Variants in SRSF8 observed in about 807,000 individuals in gnomAD.
SRSF8 encodes the protein serine and arginine rich splicing factor 8.
SRSF8 carries 3 observed loss-of-function variants against 2.0 expected under a neutral mutation model. That is an observed-to-expected ratio of 1.47 (90% CI 0.67 to 3.79). The LOEUF (loss-of-function observed/expected upper bound fraction) is 3.79. Ranked by LOEUF, SRSF8 falls within the 30% of genes most tolerant of loss-of-function variation. The probability of loss-of-function intolerance (pLI) is 0.02; values close to 1 mark genes in which losing one functional copy is unlikely to be tolerated. For missense variants in SRSF8, 408 were observed against 410.9 expected (o/e 0.99, Z 0.06); for synonymous variants, 162 against 170.7 (o/e 0.95, Z 0.40).
Position 95,067,378 on chromosome 11 carries a change from C to T in SRSF8, c.152C>T (p.Thr51Ile), listed in dbSNP as rs1555106998. The T allele has an allele frequency of 2.5e-6, 4 of 1,595,120 alleles. No homozygotes were observed. Among genetic ancestry groups the T allele is most frequent in the Non-Finnish European group, 3.4e-6 (4 of 1,173,492 alleles). ...GTGTACATCCCGCGGGAGCCCCACA[C>T]CAAGGCGCCCCGGGGCTTCGCTTTC... Reference protein sequence around the residue: ...GDVYIPREPHTKAPRGFAFVR... With the variant: ...GDVYIPREPHIKAPRGFAFVR... The change falls in exon 1 of 1, where the codon ACC becomes ATC. Residue 51 changes from threonine (T) to isoleucine (I), a missense_variant. This residue lies in a region of SRSF8 where 62 missense variants were observed against 94.4 expected (regional missense o/e 0.66). Coordinates refer to ENST00000587424, the MANE Select transcript of SRSF8 (RefSeq NM_032102.4).
In SRSF8 at chr11:95,068,075, A is replaced by T. The variant is rs1555107280; in HGVS notation, c.849A>T (p.Ter283TyrextTer48). The T allele has an allele frequency of 6.2e-7, 1 of 1,602,300 alleles. No individual in the cohort carries two copies. Among genetic ancestry groups the T allele is most frequent in the Non-Finnish European group, 8.5e-7 (1 of 1,170,512 alleles). ...SPEEEGQMSS* is the reference protein window; with the variant it reads ...SPEEEGQMSSY Reference sequence around the variant, plus strand: ...AAGAGGAAGGACAGATGTCCTCTTAAGAAAATGATGCATCAGGAAGCAACG... The same window carrying T: ...AAGAGGAAGGACAGATGTCCTCTTATGAAAATGATGCATCAGGAAGCAACG... The change falls in exon 1 of 1, where the codon TAA becomes TAT. Residue 283 changes from the stop codon to tyrosine (Y), a stop_lost. Coordinates refer to ENST00000587424, the MANE Select transcript of SRSF8 (RefSeq NM_032102.4).
Position 95,067,669 on chromosome 11 carries a change from C to T in SRSF8, c.443C>T (p.Ser148Phe). The T allele has an allele frequency of 6.2e-7, 1 of 1,612,804 alleles. No homozygotes were observed. Among genetic ancestry groups the T allele is most frequent in the Non-Finnish European group, 8.5e-7 (1 of 1,179,392 alleles). The change falls in exon 1 of 1, where the codon TCT (serine) becomes TTT (phenylalanine). Residue 148 changes from serine to phenylalanine, a missense_variant. Ser to Phe is a radical substitution (Grantham distance 155). Coordinates refer to ENST00000587424, the MANE Select transcript of SRSF8 (RefSeq NM_032102.4). The stretch of plus-strand genomic sequence containing the variant: ...AGCTGCTCCAGGTCCCGCAGCCGAT[C>T]TCGCTATAGGGGTTCTCGCTATAGC... ...GPSCSRSRSR[S>F]RYRGSRYSRS...
In SRSF8 at chr11:95,067,537, A is replaced by G; in HGVS notation, c.311A>G (p.Glu104Gly). The change falls in exon 1 of 1, where the codon GAG becomes GGG. Residue 104 changes from glutamate to glycine, a missense_variant. Physicochemically the swap from Glu to Gly is moderately conservative, Grantham distance 98. Coordinates refer to ENST00000587424, the MANE Select transcript of SRSF8 (RefSeq NM_032102.4). Reference protein sequence around the residue: ...RRDLPRSRQGEPRGRSRGGGY... With the variant: ...RRDLPRSRQGGPRGRSRGGGY... ...GACCTGCCCCGCAGCCGCCAGGGAG[A>G]GCCACGCGGCAGGTCCAGAGGCGGC... 1 of 1,525,408 alleles carries G rather than the reference A, an allele frequency of 6.6e-7. No individual in the cohort carries two copies. Among genetic ancestry groups the G allele is most frequent in the Non-Finnish European group, 8.8e-7 (1 of 1,138,670 alleles). The allele number at this position is 1,525,408 out of a possible 1,614,324, so 94.5% of individuals were successfully genotyped here.
rs1858683254 is a variant in SRSF8, at chr11:95,068,126, T to C, written c.*51T>C. The C allele has an allele frequency of 1.3e-6, 2 of 1,531,304 alleles. No homozygotes were observed. The highest frequency in any genetic ancestry group is 1.8e-6 in the Non-Finnish European group (2 of 1,124,142). 94.9% of individuals were successfully genotyped at this position (1,531,304 alleles called of 1,614,324 possible). A position where few individuals can be genotyped will look rare whatever the true frequency, so the allele number is the denominator to read the frequency against. On this transcript the variant is annotated 3_prime_UTR_variant, in exon 1 of 1. Coordinates refer to ENST00000587424, the MANE Select transcript of SRSF8 (RefSeq NM_032102.4). ...TGATGGAGGACTTGGGGGAAAAGGA[T>C]CACATACTCAGTCTATGGAAGCAAC...
Position 95,067,845 on chromosome 11 carries a change from C to T in SRSF8, c.619C>T (p.Arg207Trp). The T allele has an allele frequency of 1.2e-6, 2 of 1,614,032 alleles. No individual in the cohort carries two copies. Among genetic ancestry groups the T allele is most frequent in the Non-Finnish European group, 1.7e-6 (2 of 1,179,904 alleles). The stretch of plus-strand genomic sequence containing the variant: ...TCGCTACAGCCGATATCACAGCAGC[C>T]GGTCTCACTCGAAGTCTGGGTCCTC... ...NSRYSRYHSS[R>W]SHSKSGSSTS... is the part of the protein sequence containing the mutation. The change falls in exon 1 of 1, where the codon CGG (arginine) becomes TGG (tryptophan). Residue 207 changes from arginine (R) to tryptophan (W), a missense_variant. Around this residue, in one of 2 missense-constraint regions of SRSF8, gnomAD observed 346 missense variants for 316.5 expected, o/e 1.09. Coordinates refer to ENST00000587424, the MANE Select transcript of SRSF8 (RefSeq NM_032102.4).
Position 95,067,236 on chromosome 11 carries a change from G to A in SRSF8, c.10G>A (p.Gly4Ser). The change falls in exon 1 of 1, where the codon GGC becomes AGC. Residue 4 changes from glycine (G) to serine (S), a missense_variant. This residue lies in a region of SRSF8 where 62 missense variants were observed against 94.4 expected (regional missense o/e 0.66). Transcript: ENST00000587424. ...GGCTGCTCTCGGAGCCATGAGCTGC[G>A]GCCGCCCCCCTCCCGACGTGGACGG... The part of the protein sequence containing the change: MSC[G>S]RPPPDVDGMI... 3.3e-6 allele frequency: 5 copies of A among 1,528,882 alleles called. No individual in the cohort carries two copies. Among genetic ancestry groups the A allele is most frequent in the South Asian group, 1.2e-5 (1 of 82,082 alleles). 94.7% of individuals were successfully genotyped at this position (1,528,882 alleles called of 1,614,324 possible). A position where few individuals can be genotyped will look rare whatever the true frequency, so the allele number is the denominator to read the frequency against.
rs1555106968 is a variant in SRSF8, at chr11:95,067,339, G to A, written c.113G>A (p.Gly38Glu). Reference protein sequence around the residue: ...DSLRRVFEKYGRVGDVYIPRE... With the variant: ...DSLRRVFEKYERVGDVYIPRE... ...TTGAGGCGCGTGTTCGAGAAGTACG[G>A]GCGCGTGGGCGACGTGTACATCCCG... The change falls in exon 1 of 1, where the codon GGG becomes GAG. Residue 38 changes from glycine to glutamate, a missense_variant. Gly to Glu is a moderately conservative substitution (Grantham distance 98). This residue lies in a region of SRSF8 where 62 missense variants were observed against 94.4 expected (regional missense o/e 0.66). Coordinates refer to ENST00000587424, the MANE Select transcript of SRSF8 (RefSeq NM_032102.4). 1.2e-6 allele frequency: 2 copies of A among 1,603,874 alleles called. No individual in the cohort carries two copies. Among genetic ancestry groups the A allele is most frequent in the East Asian group, 4.5e-5 (2 of 44,138 alleles).
In SRSF8 at chr11:95,069,438, G is replaced by C. The variant is rs954157448; in HGVS notation, c.*1363G>C. 1 of 165,876 alleles carries C rather than the reference G, an allele frequency of 6.0e-6. No homozygotes were observed. The highest frequency in any genetic ancestry group is 2.4e-5 in the African/African-American group (1 of 41,350). The allele number at this position is 165,876 out of a possible 1,614,324, so 10.3% of individuals were successfully genotyped here. A position where few individuals can be genotyped will look rare whatever the true frequency, so the allele number is the denominator to read the frequency against. On this transcript the variant is annotated 3_prime_UTR_variant, in exon 1 of 1. Coordinates refer to ENST00000587424, the MANE Select transcript of SRSF8 (RefSeq NM_032102.4). ...CTAGCAAAGGGAAAAATAACAATTT[G>C]GTGTCAATGATCTGGTGACAATAGG...
chr11:95,067,430 C>A lies in SRSF8; in HGVS notation c.204C>A (p.Ala68=). The part of the protein sequence containing the change: ...AFVRFHDRRD[A]QDAEAAMDGA... ...TCCGCTTTCACGACCGGCGCGACGCCCAAGACGCCGAGGCCGCCATGGACG... is the reference window on the plus strand; with the variant it reads ...TCCGCTTTCACGACCGGCGCGACGCACAAGACGCCGAGGCCGCCATGGACG... Residue 68 remains alanine, a synonymous_variant, in exon 1 of 1, where the codon GCC becomes GCA. Transcript: ENST00000587424. 1 of 1,552,612 alleles carries A rather than the reference C, an allele frequency of 6.4e-7. No homozygotes were observed. Among genetic ancestry groups the A allele is most frequent in the Non-Finnish European group, 8.7e-7 (1 of 1,151,202 alleles).
rs555202080 is a variant in SRSF8 at position 95,067,245 on chromosome 11, C to A, written c.19C>A (p.Pro7Thr). 1.9e-6 allele frequency: 3 copies of A among 1,541,818 alleles called. No homozygotes were observed. Among genetic ancestry groups the A allele is most frequent in the African/African-American group, 1.4e-5 (1 of 70,560 alleles). Residue 7 changes from proline to threonine, a missense_variant, in exon 1 of 1, where the codon CCT becomes ACT. Around this residue, in one of 2 missense-constraint regions of SRSF8, gnomAD observed 62 missense variants for 94.4 expected, o/e 0.66. Coordinates refer to ENST00000587424, the MANE Select transcript of SRSF8 (RefSeq NM_032102.4). ...CGGAGCCATGAGCTGCGGCCGCCCCCCTCCCGACGTGGACGGCATGATCAC... is the reference window on the plus strand; with the variant it reads ...CGGAGCCATGAGCTGCGGCCGCCCCACTCCCGACGTGGACGGCATGATCAC... MSCGRP[P>T]PDVDGMITLK...
chr11:95,068,370 G>C lies in SRSF8; in HGVS notation c.*295G>C. ...TATTTTTATTTCTATAGTGATGACTGTTTTGGTTTGAAATGAACAGATTGG... is the reference window on the plus strand; with the variant it reads ...TATTTTTATTTCTATAGTGATGACTCTTTTGGTTTGAAATGAACAGATTGG... On this transcript the variant is annotated 3_prime_UTR_variant, in exon 1 of 1. Coordinates refer to ENST00000587424, the MANE Select transcript of SRSF8 (RefSeq NM_032102.4). 2.9e-6 allele frequency: 1 copy of C among 350,588 alleles called. No individual in the cohort carries two copies. Among genetic ancestry groups the C allele is most frequent in the South Asian group, 3.7e-5 (1 of 27,108 alleles). 21.7% of individuals were successfully genotyped at this position (350,588 alleles called of 1,614,324 possible). A position where few individuals can be genotyped will look rare whatever the true frequency, so the allele number is the denominator to read the frequency against.
rs1858679273 is a variant in SRSF8, at chr11:95,067,927, C to T, written c.701C>T (p.Ser234Phe). Residue 234 changes from serine (S) to phenylalanine (F), a missense_variant, in exon 1 of 1, where the codon TCC (serine) becomes TTC (phenylalanine). Around this residue, in one of 2 missense-constraint regions of SRSF8, gnomAD observed 346 missense variants for 316.5 expected, o/e 1.09. Transcript: ENST00000587424. ...SKSSSARRSK[S>F]SSVSRSRSRS... ...TCGAGCTCTGCGCGACGATCCAAGT[C>T]CTCCTCGGTCTCCAGGTCTCGCTCG... 1 of 1,613,898 alleles carries T rather than the reference C, an allele frequency of 6.2e-7. No individual in the cohort carries two copies. The highest frequency in any genetic ancestry group is 1.3e-5 in the African/African-American group (1 of 74,934).
chr11:95,067,947 C>G lies in SRSF8; in HGVS notation c.721C>G (p.Arg241Gly). ...RSKSSSVSRS[R>G]SRSRSSSMTR... is the part of the protein sequence containing the mutation. ...CAAGTCCTCCTCGGTCTCCAGGTCTCGCTCGCGGTCCAGGTCTTCATCTAT... is the reference window on the plus strand; with the variant it reads ...CAAGTCCTCCTCGGTCTCCAGGTCTGGCTCGCGGTCCAGGTCTTCATCTAT... Residue 241 changes from arginine to glycine, a missense_variant, in exon 1 of 1, where the codon CGC becomes GGC. Coordinates refer to ENST00000587424, the MANE Select transcript of SRSF8 (RefSeq NM_032102.4). The G allele has an allele frequency of 6.2e-7, 1 of 1,614,054 alleles. No individual in the cohort carries two copies. Among genetic ancestry groups the G allele is most frequent in the Non-Finnish European group, 8.5e-7 (1 of 1,179,912 alleles).
Position 95,069,816 on chromosome 11 carries a change from A to G in SRSF8, c.*1741A>G, listed in dbSNP as rs1858708651. On this transcript the variant is annotated 3_prime_UTR_variant, in exon 1 of 1. Transcript: ENST00000587424. ...AGCAGTCCTGTCTGAGAAATAAAAA[A>G]TCAGGACACCCATGGCATCGTAGTA... 6.0e-6 allele frequency: 1 copy of G among 167,232 alleles called. No homozygotes were observed. Among genetic ancestry groups the G allele is most frequent in the African/African-American group, 2.4e-5 (1 of 41,572 alleles). The allele number at this position is 167,232 out of a possible 1,614,324, so 10.4% of individuals were successfully genotyped here.
rs781928250 is a variant in SRSF8, at chr11:95,068,033, GC to G, written c.813del (p.Lys272SerfsTer21). 3.1e-6 allele frequency: 5 copies of G among 1,613,594 alleles called. No individual in the cohort carries two copies. Among genetic ancestry groups the G allele is most frequent in the Admixed American group, 3.3e-5 (2 of 60,004 alleles). On this transcript the variant is annotated frameshift_variant, in exon 1 of 1. Coordinates refer to ENST00000587424, the MANE Select transcript of SRSF8 (RefSeq NM_032102.4). LOFTEE classifies it high-confidence loss of function. Reference protein sequence around the residue: ...KSKSRSRSKRPPKSPEEEGQM... With the variant: ...KSKSRSRSKRXPKSPEEEGQM... ...CCAAGTCAAGGTCGCGATCCAAGAGGCCCCCCAAGTCTCCTGAAGAGGAAGG... is the reference window on the plus strand; with the variant it reads ...CCAAGTCAAGGTCGCGATCCAAGAGGCCCCCAAGTCTCCTGAAGAGGAAGG...
In SRSF8 at chr11:95,067,495, C is replaced by T; in HGVS notation, c.269C>T (p.Ala90Val). 1 of 1,475,478 alleles carries T rather than the reference C, an allele frequency of 6.8e-7. No individual in the cohort carries two copies. The highest frequency in any genetic ancestry group is 9.0e-7 in the Non-Finnish European group (1 of 1,111,760). The allele number at this position is 1,475,478 out of a possible 1,614,324, so 91.4% of individuals were successfully genotyped here. ...LDGRELRVQVARYGRRDLPRS... is the reference protein window; with the variant it reads ...LDGRELRVQVVRYGRRDLPRS... ...GGACGCGAGCTGCGGGTGCAGGTGG[C>T]GCGCTATGGCCGCCGGGACCTGCCC... The change falls in exon 1 of 1, where the codon GCG becomes GTG. Residue 90 changes from alanine (A) to valine (V), a missense_variant. By Grantham distance (64) the Ala-to-Val change is moderately conservative. Around this residue, in one of 2 missense-constraint regions of SRSF8, gnomAD observed 346 missense variants for 316.5 expected, o/e 1.09. Coordinates refer to ENST00000587424, the MANE Select transcript of SRSF8 (RefSeq NM_032102.4).
chr11:95,067,860 T>A lies in SRSF8; in HGVS notation c.634T>A (p.Ser212Thr). The A allele has an allele frequency of 1.2e-6, 2 of 1,613,878 alleles. No homozygotes were observed. The highest frequency in any genetic ancestry group is 4.5e-5 in the East Asian group (2 of 44,892). The part of the protein sequence containing the change: ...RYHSSRSHSK[S>T]GSSTSSRSAS... ...TCACAGCAGCCGGTCTCACTCGAAG[T>A]CTGGGTCCTCCACTAGCTCTCGCTC... is the stretch of plus-strand genomic sequence containing the variant. Residue 212 changes from serine to threonine, a missense_variant, in exon 1 of 1, where the codon TCT becomes ACT. Ser to Thr is a moderately conservative substitution (Grantham distance 58). Coordinates refer to ENST00000587424, the MANE Select transcript of SRSF8 (RefSeq NM_032102.4).
At position 95,067,789 on chromosome 11, in the gene SRSF8, C is replaced by A; in HGVS notation, c.563C>A (p.Ser188Tyr). 6.2e-7 allele frequency: 1 copy of A among 1,614,070 alleles called. No homozygotes were observed. Among genetic ancestry groups the A allele is most frequent in the Non-Finnish European group, 8.5e-7 (1 of 1,179,898 alleles). Reference protein sequence around the residue: ...SRYRESRYGGSHYSSSGYSNS... With the variant: ...SRYRESRYGGYHYSSSGYSNS... ...TACAGGGAATCTCGCTACGGCGGAT[C>A]TCACTACAGCTCATCTGGTTACAGT... is the stretch of plus-strand genomic sequence containing the variant. The change falls in exon 1 of 1, where the codon TCT (serine) becomes TAT (tyrosine). Residue 188 changes from serine (S) to tyrosine (Y), a missense_variant. Physicochemically the swap from Ser to Tyr is moderately radical, Grantham distance 144 (BLOSUM62 -2). Transcript: ENST00000587424.
rs1256752273 is a variant in SRSF8, at chr11:95,070,973, C to G, written c.*2898C>G. The G allele has an allele frequency of 5.4e-5, 9 of 167,040 alleles. No homozygotes were observed. The highest frequency in any genetic ancestry group is 2.2e-4 in the African/African-American group (9 of 41,432). The allele number at this position is 167,040 out of a possible 1,614,324, so 10.3% of individuals were successfully genotyped here. On this transcript the variant is annotated 3_prime_UTR_variant, in exon 1 of 1. Transcript: ENST00000587424. The stretch of plus-strand genomic sequence containing the variant: ...AAAGGAAAATCAAGAATTTCCAGAA[C>G]TTTCAGAGCAATGTTAAATACTTTC...
Sources: allele counts gnomAD v4.1 joint callset, GRCh38; gene constraint gnomAD v4.1.1; regional missense constraint gnomAD v4.1.1; transcripts MANE v1.5; gene names NCBI Gene and HGNC (gene_info 2026-07-23, HGNC 2026-07-21).